Variants in INPP4B observed in about 807,000 individuals in gnomAD.
INPP4B encodes inositol polyphosphate-4-phosphatase type II B, also known as inositol polyphosphate 4-phosphatase type II.
In INPP4B, 55 loss-of-function variants were observed where a neutral mutation model predicts 122.5. That is an observed-to-expected ratio of 0.45 (90% CI 0.36 to 0.56). The LOEUF (loss-of-function observed/expected upper bound fraction) is 0.56. Ranked by LOEUF, INPP4B falls within the 20% of genes least tolerant of loss-of-function variation. The pLI is 0.00. For synonymous variants in INPP4B, 403 were observed against 388.7 expected, an observed-to-expected ratio of 1.04 and a Z score of -0.43; for missense variants, 1,000 against 1,097.7, an observed-to-expected ratio of 0.91 and a Z score of 1.26.
chr4:142,075,722 T>C (rs1315427808), intron 25 of INPP4B, among the ~76,000 whole-genome samples: 1 of 151,946 alleles, frequency 6.6e-6, no homozygotes, highest in Non-Finnish European at 1.5e-5. Flanking sequence ...GCCCACTGGG[T>C]GCAGAGACTT....
chr4:142,208,946 T>C lies in INPP4B; in HGVS notation c.917A>G (p.Gln306Arg), dbSNP rs757590530. Residue 306 changes from glutamine to arginine, a missense_variant, in exon 13 of 26, where the codon CAA becomes CGA. By Grantham distance (43) the Gln-to-Arg change is conservative. Transcript: ENST00000262992. ...AATGTCTTGGTACATATTCACCATTTGATCACAGTGAGTAAGGACATTTTT... is the reference window on the plus strand; with the variant it reads ...AATGTCTTGGTACATATTCACCATTCGATCACAGTGAGTAAGGACATTTTT... ...LRKNVLTHCD[Q>R]MVNMYQDILT... 3 of 1,604,552 alleles carry C rather than the reference T, an allele frequency of 1.9e-6. No individual in the cohort carries two copies. The highest frequency in any genetic ancestry group is 2.6e-6 in the Non-Finnish European group (3 of 1,173,798).
chr4:142,606,047 A>G (rs1288346820), intron 2 of INPP4B, among the ~76,000 whole-genome samples: 2 of 152,018 alleles, frequency 1.3e-5, no homozygotes, highest in Admixed American at 1.3e-4. Context: ...CATATGCAAT[A>G]GAATACTATT....
At chr4:142,350,469 T>TA (rs1175660192) in intron 7 of INPP4B, among the ~76,000 whole-genome samples, 1 of 152,032 alleles carries the variant, frequency 6.6e-6, no homozygotes, top group Non-Finnish European at 1.5e-5. Context: ...CCACCAATAC[T>TA]AATGTAATTC....
intron 25 of INPP4B, among the ~76,000 whole-genome samples, chr4:142,035,675 A>G (rs1239424498): frequency 6.6e-6 from 1 of 152,218 alleles, no homozygotes; most frequent in Non-Finnish European, 1.5e-5. Flanking sequence ...TGGGTAAACA[A>G]TAGTCATAAT....
rs561628670 is a variant in INPP4B, at chr4:142,172,945, C to T, written c.1359+687G>A. ...GTTTTACATTGAAAATCAACTGTCACTTGTCTTTTTCTATCTCAGCTTTCT... is the reference window on the plus strand; with the variant it reads ...GTTTTACATTGAAAATCAACTGTCATTTGTCTTTTTCTATCTCAGCTTTCT... On this transcript the variant is annotated intron_variant, in intron 16 of 25. Coordinates refer to ENST00000262992, the MANE Select transcript of INPP4B (RefSeq NM_001101669.3). Among the ~76,000 whole-genome samples, 12 of 152,056 alleles carry T rather than the reference C, an allele frequency of 7.9e-5. No homozygotes were observed. The East Asian group carries it at 1.6e-3, about 20-fold the overall frequency.
chr4:142,469,878 A>G (rs1392770816), intron 2 of INPP4B, among the ~76,000 whole-genome samples: 2 of 152,152 alleles, frequency 1.3e-5, no homozygotes, highest in African/African-American at 4.8e-5. Context: ...CCTAAACCCA[A>G]TGTATAATAA....
At chr4:142,436,300 T>C (rs1810505967) in intron 3 of INPP4B, among the ~76,000 whole-genome samples, 1 of 152,182 alleles carries the variant, frequency 6.6e-6, no homozygotes. Flanking sequence ...ATAGTCTCTG[T>C]GAACCAGCAG....
At chr4:142,507,591 C>T (rs374282521) in intron 2 of INPP4B, among the ~76,000 whole-genome samples, 1 of 152,042 alleles carries the variant, frequency 6.6e-6, no homozygotes, top group East Asian at 1.9e-4. Flanking sequence ...AGCATCTACC[C>T]TATTCCTTTA....
chr4:142,064,134 C>A (rs557111562), intron 25 of INPP4B, among the ~76,000 whole-genome samples: 1 of 152,270 alleles, frequency 6.6e-6, no homozygotes, highest in East Asian at 1.9e-4. Context: ...AAGACTAAAT[C>A]CTTGCTACAA....
intron 2 of INPP4B, among the ~76,000 whole-genome samples, chr4:142,679,744 C>T (rs934931712): frequency 2.0e-5 from 3 of 151,594 alleles, no homozygotes; most frequent in Non-Finnish European, 2.9e-5. Context: ...TACTCTCTAT[C>T]GGATAACTTT....
intron 23 of INPP4B, among the ~76,000 whole-genome samples, chr4:142,104,685 C>A (rs932763874): frequency 6.6e-6 from 1 of 152,014 alleles, no homozygotes; most frequent in African/African-American, 2.4e-5. Context: ...CCTTGGTACC[C>A]AAGGAGGATT....
intron 2 of INPP4B, among the ~76,000 whole-genome samples, chr4:142,482,739 T>C (rs1424998708): frequency 1.3e-5 from 2 of 152,150 alleles, no homozygotes; most frequent in Non-Finnish European, 2.9e-5. Flanking sequence ...AAGCCTTTCC[T>C]GACCTTTTTG....
At chr4:142,709,096 T>G (rs1762808025) in intron 2 of INPP4B, among the ~76,000 whole-genome samples, 1 of 152,194 alleles carries the variant, frequency 6.6e-6, no homozygotes, top group Non-Finnish European at 1.5e-5. Context: ...AATAACTGCC[T>G]TGCTGGGTCT....
At chr4:142,633,617 A>T (rs925875559) in intron 2 of INPP4B, among the ~76,000 whole-genome samples, 9 of 152,156 alleles carry the variant, frequency 5.9e-5, no homozygotes, top group African/African-American at 2.2e-4. Flanking sequence ...AAGGAAAAAG[A>T]CCGAAAGCAA....
At chr4:142,073,537 T>C (rs1347999153) in intron 25 of INPP4B, among the ~76,000 whole-genome samples, 1 of 152,056 alleles carries the variant, frequency 6.6e-6, no homozygotes, top group Non-Finnish European at 1.5e-5. Flanking sequence ...AGTGTTTACC[T>C]GAGTATAGCA....
At chr4:142,500,550 T>A (rs567996361) in intron 2 of INPP4B, among the ~76,000 whole-genome samples, 1 of 152,232 alleles carries the variant, frequency 6.6e-6, no homozygotes, top group Admixed American at 6.5e-5. Flanking sequence ...GTGTTCTTTA[T>A]AAAAGCTGAA....
chr4:142,527,933 G>A (rs145162499), intron 2 of INPP4B, among the ~76,000 whole-genome samples: 26 of 151,836 alleles, frequency 1.7e-4, no homozygotes, highest in African/African-American at 5.5e-4. Context: ...AAAATGGTAC[G>A]TAAAATTGCC....
At chr4:142,256,064 T>C (rs1347940365) in intron 11 of INPP4B, among the ~76,000 whole-genome samples, 2 of 150,352 alleles carry the variant, frequency 1.3e-5, no homozygotes, top group Non-Finnish European at 3.0e-5. Flanking sequence ...TCAAAACTGC[T>C]CAACTACATG....
intron 7 of INPP4B, among the ~76,000 whole-genome samples, chr4:142,349,746 C>G (rs569767859): frequency 6.6e-6 from 1 of 151,900 alleles, no homozygotes; most frequent in Admixed American, 6.6e-5. Context: ...TCATAAAAGG[C>G]ACATCTTTAG....
Sources: gnomAD v4.1 joint callset for allele counts (sites outside exome capture counted in the v4.1 genomes callset) on GRCh38, gnomAD v4.1.1 for gene constraint, MANE v1.5 for transcripts, NCBI Gene and HGNC (gene_info 2026-07-23, HGNC 2026-07-21) for gene names.